The following RBFOX1 variants were observed in gnomAD, a reference collection of about 807,000 sequenced individuals.
The protein encoded by RBFOX1 is RNA binding fox-1 homolog 1, also known as RNA binding protein fox-1 homolog 1.
Under a neutral mutation model 57.7 loss-of-function variants are expected in RBFOX1, and 8 were observed. That is an observed-to-expected ratio of 0.14 (90% confidence interval 0.08 to 0.25). The LOEUF (loss-of-function observed/expected upper bound fraction) is 0.25, where lower values mean the gene tolerates loss of function less well. Ranked by LOEUF, RBFOX1 falls within the 10% of genes least tolerant of loss-of-function variation. The pLI is 1.00. For missense variants in RBFOX1, 611 were observed against 548.5 expected (o/e 1.11, Z -1.14); for synonymous variants, 326 against 222.4 (o/e 1.47, Z -4.15).
chr16:6,909,603 T>A (rs992303399), intron 3 of RBFOX1, among the ~76,000 whole-genome samples: 1 of 152,170 alleles, frequency 6.6e-6, no homozygotes, highest in Non-Finnish European at 1.5e-5. Flanking sequence ...GGACATGTAA[T>A]CTCCCCAAGC....
At position 6,991,061 on chromosome 16, in the gene RBFOX1, G is replaced by A. The variant is rs561597106; in HGVS notation, c.-15-60996G>A. 2.0e-5 allele frequency among the ~76,000 whole-genome samples: 3 copies of A among 150,458 alleles called. No homozygotes were observed. The South Asian group carries it at 6.4e-4, about 32-fold the overall frequency. ...TCACACCTGTAATTCCAGTACGTTG[G>A]GAGGCCAAGGTGGGTGGCCTGCTTC... On this transcript the variant is annotated intron_variant, in intron 3 of 15. Transcript: ENST00000550418.
downstream of RBFOX1, among the ~76,000 whole-genome samples, chr16:5,603,046 A>G (rs1465722086): frequency 6.6e-6 from 1 of 152,202 alleles, no homozygotes; most frequent in Non-Finnish European, 1.5e-5. Flanking sequence ...TCCAGAATGC[A>G]GAACACTCCA....
At chr16:6,504,372 T>G (rs993400857) in intron 2 of RBFOX1, among the ~76,000 whole-genome samples, 1 of 152,232 alleles carries the variant, frequency 6.6e-6, no homozygotes, top group African/African-American at 2.4e-5. Context: ...AGAGATCATT[T>G]GGGATCTAAT....
At chr16:7,346,112 A>T (rs940030371) in intron 4 of RBFOX1, among the ~76,000 whole-genome samples, 1 of 152,154 alleles carries the variant, frequency 6.6e-6, no homozygotes, top group Non-Finnish European at 1.5e-5. Flanking sequence ...TTTGCTGAGA[A>T]TGATGGTTTC....
At chr16:7,451,749 T>C (rs1018164013) in intron 4 of RBFOX1, among the ~76,000 whole-genome samples, 1 of 146,938 alleles carries the variant, frequency 6.8e-6, no homozygotes, top group Non-Finnish European at 1.5e-5. Context: ...AACATTTATT[T>C]CTCATTTTGT....
chr16:7,046,237 G>GTGT (rs2047885954), intron 3 of RBFOX1, among the ~76,000 whole-genome samples: 1 of 146,590 alleles, frequency 6.8e-6, no homozygotes, highest in African/African-American at 2.5e-5. Flanking sequence ...TAGGTAAAGG[G>GTGT]GTGTGTGTGT....
rs145868237 is a variant in RBFOX1 at position 7,247,797 on chromosome 16, C to G, written c.27+195699C>G. On this transcript the variant is annotated intron_variant, in intron 4 of 15. Transcript: ENST00000550418. ...ATCTAGGTATTTTAAAATGTGGTTCCAAACACTGCATGTTCTCACTTATAA... is the reference window on the plus strand; with the variant it reads ...ATCTAGGTATTTTAAAATGTGGTTCGAAACACTGCATGTTCTCACTTATAA... Among the ~76,000 whole-genome samples, 449 of 152,228 alleles carry G rather than the reference C, an allele frequency of 2.9e-3. 2 individuals are homozygous for G. Among genetic ancestry groups the G allele is most frequent in the Non-Finnish European group, 4.7e-3 (321 of 68,018 alleles).
intron 3 of RBFOX1, among the ~76,000 whole-genome samples, chr16:6,902,423 C>G (rs948147947): frequency 3.9e-5 from 6 of 152,074 alleles, no homozygotes; most frequent in African/African-American, 1.4e-4. Flanking sequence ...TCAGAAGACC[C>G]AAGAGGAAAA....
At chr16:5,829,036 A>C (rs2056173465) in intron 3 of RBFOX1, among the ~76,000 whole-genome samples, 1 of 152,152 alleles carries the variant, frequency 6.6e-6, no homozygotes, top group Non-Finnish European at 1.5e-5. Context: ...TGGCCAAGGA[A>C]GGATCTGCTT....
rs988870737 is a variant in RBFOX1, at chr16:7,373,155, G to A, written c.28-144992G>A. The stretch of plus-strand genomic sequence containing the variant: ...CACCGTGTTAGCCAGGATGGTTATC[G>A]CTCTCCTGACCTTGTGATCTACCTG... On this transcript the variant is annotated intron_variant, in intron 4 of 15. Coordinates refer to ENST00000550418, the MANE Select transcript of RBFOX1 (RefSeq NM_018723.4). Among the ~76,000 whole-genome samples, 8 of 151,902 alleles carry A rather than the reference G, an allele frequency of 5.3e-5. 1 individual carries two copies. Among genetic ancestry groups the A allele is most frequent in the Admixed American group, 3.9e-4 (6 of 15,238 alleles).
At chr16:6,559,140 C>T (rs530515793) in intron 2 of RBFOX1, among the ~76,000 whole-genome samples, 15 of 149,694 alleles carry the variant, frequency 1.0e-4, no homozygotes, top group Non-Finnish European at 1.6e-4. Context: ...TGTGTATATA[C>T]ATATGTGTAT....
At chr16:7,346,526 G>C (rs1284982856) in intron 4 of RBFOX1, among the ~76,000 whole-genome samples, 4 of 151,768 alleles carry the variant, frequency 2.6e-5, no homozygotes, top group Non-Finnish European at 5.9e-5. Context: ...AAGCACAGAT[G>C]TTACCAAGCC....
intron 1 of RBFOX1, among the ~76,000 whole-genome samples, chr16:5,437,299 G>T (rs1387310893): frequency 6.6e-6 from 1 of 152,176 alleles, no homozygotes; most frequent in Admixed American, 6.5e-5. Flanking sequence ...CTGCACAAAA[G>T]CAAACCAGCT....
At position 7,142,849 on chromosome 16, in the gene RBFOX1, A is replaced by G. The variant is rs143861299; in HGVS notation, c.27+90751A>G. ...GATAGAAAGAAAATGGTCAGCCCTG[A>G]GTAATTTTCTCTTATTTTTCTTCTC... On this transcript the variant is annotated intron_variant, in intron 4 of 15. Transcript: ENST00000550418. Among the ~76,000 whole-genome samples the G allele has an allele frequency of 2.6e-5, 4 of 152,170 alleles. No homozygotes were observed. The East Asian group carries it at 7.8e-4, about 30-fold the overall frequency.
chr16:5,822,896 C>T (rs1349828706), intron 3 of RBFOX1, among the ~76,000 whole-genome samples: 1 of 152,180 alleles, frequency 6.6e-6, no homozygotes, highest in Admixed American at 6.5e-5. Flanking sequence ...CATCTGAGGC[C>T]TCTGTCTTGC....
At chr16:5,553,258 G>A (rs1408995638) in intron 2 of RBFOX1, among the ~76,000 whole-genome samples, 1 of 151,702 alleles carries the variant, frequency 6.6e-6, no homozygotes, top group Non-Finnish European at 1.5e-5. Context: ...TTGTACACAT[G>A]TACCCTAGAA....
At chr16:5,626,414 C>T (rs1462906279) in intron 3 of RBFOX1, among the ~76,000 whole-genome samples, 1 of 152,164 alleles carries the variant, frequency 6.6e-6, no homozygotes, top group African/African-American at 2.4e-5. Flanking sequence ...TGGACTGGGA[C>T]TCACTCTAAT....
intron 5 of RBFOX1, among the ~76,000 whole-genome samples, chr16:7,521,830 C>G (rs972821272): frequency 6.6e-6 from 1 of 152,110 alleles, no homozygotes; most frequent in Admixed American, 6.5e-5. Flanking sequence ...AATAAAAAGT[C>G]CAGGCGGAGG....
At position 5,946,552 on chromosome 16, in the gene RBFOX1, T is replaced by TG. The variant is rs2059403910; in HGVS notation, c.351+79217_351+79218insG. On this transcript the variant is annotated intron_variant, in intron 4 of 19. Coordinates refer to the RBFOX1 transcript ENST00000641259. The surrounding 1 kb of genome is among the most constrained non-coding windows in gnomAD (Gnocchi z 4.6). ...CCTTCCCCGTATCTCACTCTATGCA[T>TG]ATTTTTTTCCAACTGGGTGTTCCTG... 7.7e-6 allele frequency among the ~76,000 whole-genome samples: 1 copy of TG among 130,152 alleles called. No homozygotes were observed. The highest frequency in any genetic ancestry group is 2.6e-4 in the South Asian group (1 of 3,884). The allele number at this position is 130,152 out of a possible 152,430, so 85.4% of individuals were successfully genotyped here. A position where few individuals can be genotyped will look rare whatever the true frequency, so the allele number is the denominator to read the frequency against.
Sources: allele counts gnomAD v4.1 joint callset (sites outside exome capture counted in the v4.1 genomes callset), GRCh38; gene constraint gnomAD v4.1.1; non-coding constraint Gnocchi (gnomAD v3.1); transcripts MANE v1.5; gene names NCBI Gene and HGNC (gene_info 2026-07-23, HGNC 2026-07-21).